ABTB3: variants seen among roughly 807,000 people sequenced by gnomAD.
ABTB3 encodes ankyrin repeat and BTB domain containing 3, also known as ankyrin repeat- and BTB/POZ domain-containing protein 3.
the ABTB3 span, among the ~76,000 whole-genome samples, chr12:107,329,723 T>C: frequency 1.3e-5 from 2 of 152,222 alleles, no homozygotes; most frequent in African/African-American, 4.8e-5. Context: ...TGAAGGCTGT[T>C]GGGAAGTGCC....
At chr12:107,638,722 T>C in the ABTB3 span, among the ~76,000 whole-genome samples, 2 of 152,348 alleles carry the variant, frequency 1.3e-5, no homozygotes, top group Admixed American at 6.5e-5. Context: ...CTAAGTGCTC[T>C]CCATAAATTC....
At chr12:107,359,078 C>T in the ABTB3 span, among the ~76,000 whole-genome samples, 6 of 152,312 alleles carry the variant, frequency 3.9e-5, no homozygotes, top group South Asian at 1.2e-3. Context: ...GTTGACCTGA[C>T]CTCCTGATCC....
chr12:107,382,924 A>G, the ABTB3 span, among the ~76,000 whole-genome samples: 2 of 152,146 alleles, frequency 1.3e-5, no homozygotes, highest in East Asian at 3.9e-4. Flanking sequence ...ATTAAAAGAA[A>G]AAATCCTCGT....
At chr12:107,515,446 C>A in the ABTB3 span, among the ~76,000 whole-genome samples, 13 of 152,182 alleles carry the variant, frequency 8.5e-5, no homozygotes, top group African/African-American at 3.1e-4. Flanking sequence ...GGTCTCCTTA[C>A]CCTGAAAATT....
At chr12:107,397,471 CTG>C in the ABTB3 span, among the ~76,000 whole-genome samples, 15 of 150,346 alleles carry the variant, frequency 1.0e-4, no homozygotes, top group African/African-American at 2.2e-4. Flanking sequence ...GATTGCTTGT[CTG>C]TGTGTGTGTG....
At chr12:107,406,055 C>G in the ABTB3 span, among the ~76,000 whole-genome samples, 1 of 152,224 alleles carries the variant, frequency 6.6e-6, no homozygotes, top group Non-Finnish European at 1.5e-5. Context: ...CTAGTTCTGG[C>G]TTTGCCACTT....
At chr12:107,493,597 T>C in the ABTB3 span, among the ~76,000 whole-genome samples, 1 of 152,150 alleles carries the variant, frequency 6.6e-6, no homozygotes, top group African/African-American at 2.4e-5. Flanking sequence ...CCTGCCAAAA[T>C]TCATATGGTG....
the ABTB3 span, among the ~76,000 whole-genome samples, chr12:107,482,827 T>C: frequency 7.3e-4 from 111 of 151,086 alleles, 1 homozygote; most frequent in African/African-American, 2.5e-3. Context: ...CTTTCTTTCT[T>C]TTTCTTTCTT....
chr12:107,436,033 A>G, the ABTB3 span, among the ~76,000 whole-genome samples: 1 of 152,194 alleles, frequency 6.6e-6, no homozygotes, highest in African/African-American at 2.4e-5. Context: ...GCTATACACC[A>G]TTTTAAACCC....
the ABTB3 span, among the ~76,000 whole-genome samples, chr12:107,572,275 A>G: frequency 6.6e-6 from 1 of 151,748 alleles, no homozygotes; most frequent in Non-Finnish European, 1.5e-5. Flanking sequence ...GGGGCAAGGA[A>G]TGGACTCTCT....
At chr12:107,646,432 ATTG>A in the ABTB3 span, among the ~76,000 whole-genome samples, 21,491 of 152,220 alleles carry the variant, frequency 0.14, 1,632 homozygotes, top group South Asian at 0.21. Context: ...TAAGGCTCTT[ATTG>A]TTATTTGTTT....
the ABTB3 span, among the ~76,000 whole-genome samples, chr12:107,431,922 G>A: frequency 6.6e-6 from 1 of 152,216 alleles, no homozygotes; most frequent in African/African-American, 2.4e-5. Flanking sequence ...CCAGGGAATT[G>A]AGGCCCTGAG....
chr12:107,525,324 C>CAAAAAAAAAA, the ABTB3 span, among the ~76,000 whole-genome samples: 620 of 34,868 alleles, frequency 0.018, 31 homozygotes, highest in Non-Finnish European at 0.027. Flanking sequence ...AAGATCCTGT[C>CAAAAAAAAAA]AAAAAAAAAA....
the ABTB3 span, chr12:107,620,140 G>A: frequency 6.2e-7 from 1 of 1,614,196 alleles, no homozygotes; most frequent in Non-Finnish European, 8.5e-7. Flanking sequence ...TGCCCCTGAT[G>A]TTTGAGATCC....
the ABTB3 span, among the ~76,000 whole-genome samples, chr12:107,336,995 C>T: frequency 7.9e-5 from 12 of 152,254 alleles, 1 homozygote. Context: ...CTGAACAACG[C>T]TCCTTTTCAA....
the ABTB3 span, among the ~76,000 whole-genome samples, chr12:107,566,683 A>G: frequency 1.3e-5 from 2 of 151,964 alleles, no homozygotes; most frequent in Non-Finnish European, 2.9e-5. Context: ...ACACACACAC[A>G]CAAACATCTT....
the ABTB3 span, among the ~76,000 whole-genome samples, chr12:107,504,978 G>T: frequency 2.0e-5 from 3 of 152,086 alleles, no homozygotes; most frequent in Non-Finnish European, 4.4e-5. Context: ...CTCTACCCAG[G>T]ACTCATTCAT....
the ABTB3 span, among the ~76,000 whole-genome samples, chr12:107,587,804 T>C: frequency 2.0e-5 from 3 of 152,136 alleles, no homozygotes; most frequent in Non-Finnish European, 4.4e-5. Flanking sequence ...GAAGGATAGA[T>C]AAGAAATGGA....
the ABTB3 span, among the ~76,000 whole-genome samples, chr12:107,398,569 A>T: frequency 6.6e-6 from 1 of 152,168 alleles, no homozygotes; most frequent in Non-Finnish European, 1.5e-5. Context: ...GCATTCAGAA[A>T]TGTCTCTTTA....
Sources: allele counts gnomAD v4.1 joint callset (sites outside exome capture counted in the v4.1 genomes callset), GRCh38; gene constraint gnomAD v4.1.1; transcripts MANE v1.5; gene names NCBI Gene and HGNC (gene_info 2026-07-23, HGNC 2026-07-21).